Variants in OR9A4 observed in about 807,000 individuals in gnomAD.
The protein encoded by OR9A4 is olfactory receptor 9A4.
OR9A4 carries 16 observed loss-of-function variants against 17.1 expected under a neutral mutation model. The ratio of observed to expected loss-of-function variants is 0.94; its 90% CI spans 0.64 to 1.43. The LOEUF is 1.43. Among genes scored for constraint, OR9A4 ranks in the 40% most tolerant of loss-of-function variants. The pLI, the probability that OR9A4 is intolerant of heterozygous loss-of-function variation, is 0.00. For missense variants in OR9A4, 392 were observed against 382.1 expected (o/e 1.03, Z -0.22); for synonymous variants, 167 against 143.3 (o/e 1.17, Z -1.18).
chr7:141,919,999 A>T lies in OR9A4; in HGVS notation c.*179A>T. ...TTAGTATGCTTAGTTGTTACTTGAA[A>T]CTCAGTCTATTATTTTTAAGACATG... On this transcript the variant is annotated 3_prime_UTR_variant, in exon 2 of 2. Coordinates refer to ENST00000641559, the MANE Select transcript of OR9A4 (RefSeq NM_001001656.3). The T allele has an allele frequency of 3.9e-6, 2 of 508,532 alleles. No homozygotes were observed. The highest frequency in any genetic ancestry group is 4.0e-5 in the South Asian group (1 of 25,162). The allele number at this position is 508,532 out of a possible 1,614,324, so 31.5% of individuals were successfully genotyped here. A position where few individuals can be genotyped will look rare whatever the true frequency, so the allele number is the denominator to read the frequency against.
chr7:141,919,774 C>A lies in OR9A4; in HGVS notation c.899C>A (p.Ala300Asp). ...CTCCGGAATGATAAAGTCATAGAGG[C>A]CCTTCGGGATGGGGTGAAACGCTGC... ...FTLRNDKVIE[A>D]LRDGVKRCCQ... is the part of the protein sequence containing the mutation. Residue 300 changes from alanine (A) to aspartate (D), a missense_variant, in exon 2 of 2, where the codon GCC becomes GAC. Transcript: ENST00000641559. 6.2e-7 allele frequency: 1 copy of A among 1,614,088 alleles called. No homozygotes were observed.
chr7:141,918,860 A>G lies in OR9A4; in HGVS notation c.-16A>G. 1 of 1,559,254 alleles carries G rather than the reference A, an allele frequency of 6.4e-7. No homozygotes were observed. Among genetic ancestry groups the G allele is most frequent in the Non-Finnish European group, 8.8e-7 (1 of 1,142,844 alleles). On this transcript the variant is annotated 5_prime_UTR_variant, in exon 2 of 2. Coordinates refer to ENST00000641559, the MANE Select transcript of OR9A4 (RefSeq NM_001001656.3). ...TTGCTCTCTAGATTTCACAAGGAAC[A>G]AGGGCTTAGAACTAAATGTTGATGA...
chr7:141,919,561 C>G lies in OR9A4; in HGVS notation c.686C>G (p.Pro229Arg), dbSNP rs535851431. 1.7e-5 allele frequency: 27 copies of G among 1,614,050 alleles called. No individual in the cohort carries two copies. In the Admixed American group the frequency reaches 2.3e-4, roughly 14 times the overall value. Residue 229 changes from proline to arginine, a missense_variant, in exon 2 of 2, where the codon CCG (proline) becomes CGG (arginine). Physicochemically the swap from Pro to Arg is moderately radical, Grantham distance 103 (BLOSUM62 -2). Transcript: ENST00000641559. ...ATCATCTCCACCATTCTCAAGATCCCGTCATCCTCTGGCCGGAGGAAATCC... is the reference window on the plus strand; with the variant it reads ...ATCATCTCCACCATTCTCAAGATCCGGTCATCCTCTGGCCGGAGGAAATCC... The part of the protein sequence containing the change: ...AYIISTILKI[P>R]SSSGRRKSFS...
chr7:141,919,912 A>G lies in OR9A4; in HGVS notation c.*92A>G. The G allele has an allele frequency of 1.1e-6, 1 of 948,484 alleles. No individual in the cohort carries two copies. Among genetic ancestry groups the G allele is most frequent in the South Asian group, 1.9e-5 (1 of 52,252 alleles). The allele number at this position is 948,484 out of a possible 1,614,324, so 58.8% of individuals were successfully genotyped here. A position where few individuals can be genotyped will look rare whatever the true frequency, so the allele number is the denominator to read the frequency against. On this transcript the variant is annotated 3_prime_UTR_variant, in exon 2 of 2. Coordinates refer to ENST00000641559, the MANE Select transcript of OR9A4 (RefSeq NM_001001656.3). ...TTGCTCATCTTTGAACTGCATCATA[A>G]TTATTGCCATTATCAAATGATTTGC... is the stretch of plus-strand genomic sequence containing the variant.
chr7:141,919,672 A>C lies in OR9A4; in HGVS notation c.797A>C (p.Gln266Pro), dbSNP rs1459325374. 5.0e-6 allele frequency: 8 copies of C among 1,614,066 alleles called. No homozygotes were observed. In the South Asian group the frequency reaches 7.7e-5, roughly 16 times the overall value. ...LFLYVKPKQT[Q>P]AADYNWVVSL... The stretch of plus-strand genomic sequence containing the variant: ...CTCTACGTGAAACCCAAGCAAACGC[A>C]GGCAGCTGATTACAATTGGGTAGTT... Residue 266 changes from glutamine to proline, a missense_variant, in exon 2 of 2, where the codon CAG becomes CCG. Transcript: ENST00000641559.
chr7:141,919,142 G>A lies in OR9A4; in HGVS notation c.267G>A (p.Met89Ile), dbSNP rs782035229. The change falls in exon 2 of 2, where the codon ATG becomes ATA. Residue 89 changes from methionine to isoleucine, a missense_variant. Met to Ile is a conservative substitution (Grantham distance 10, BLOSUM62 1). Transcript: ENST00000641559. ...VMLWGLLLPG[M>I]QTIYLSACVV... is the part of the protein sequence containing the mutation. ...TTTGGGGATTGCTGCTCCCTGGGATGCAGACAATATATTTGTCTGCCTGTG... is the reference window on the plus strand; with the variant it reads ...TTTGGGGATTGCTGCTCCCTGGGATACAGACAATATATTTGTCTGCCTGTG... 5.6e-6 allele frequency: 9 copies of A among 1,614,142 alleles called. No individual in the cohort carries two copies. The highest frequency in any genetic ancestry group is 4.0e-5 in the African/African-American group (3 of 75,012).
chr7:141,920,071 G>T lies in OR9A4; in HGVS notation c.*251G>T. The T allele has an allele frequency of 2.6e-6, 1 of 389,040 alleles. No individual in the cohort carries two copies. The highest frequency in any genetic ancestry group is 7.1e-4 in the Middle Eastern group (1 of 1,410). 24.1% of individuals were successfully genotyped at this position (389,040 alleles called of 1,614,324 possible). A position where few individuals can be genotyped will look rare whatever the true frequency, so the allele number is the denominator to read the frequency against. On this transcript the variant is annotated 3_prime_UTR_variant, in exon 2 of 2. Transcript: ENST00000641559. The stretch of plus-strand genomic sequence containing the variant: ...CTATCATCTGCCTTTCTTAAGATAT[G>T]ATGATTTCACAATTAAACTTTGAAA...
Position 141,920,074 on chromosome 7 carries a change from G to T in OR9A4, c.*254G>T. On this transcript the variant is annotated 3_prime_UTR_variant, in exon 2 of 2. Transcript: ENST00000641559. ...TCATCTGCCTTTCTTAAGATATGAT[G>T]ATTTCACAATTAAACTTTGAAAAAT... is the stretch of plus-strand genomic sequence containing the variant. The T allele has an allele frequency of 2.6e-6, 1 of 382,262 alleles. No individual in the cohort carries two copies. Among genetic ancestry groups the T allele is most frequent in the East Asian group, 4.3e-5 (1 of 23,168 alleles). 23.7% of individuals were successfully genotyped at this position (382,262 alleles called of 1,614,324 possible). A position where few individuals can be genotyped will look rare whatever the true frequency, so the allele number is the denominator to read the frequency against.
chr7:141,919,425 T>C lies in OR9A4; in HGVS notation c.550T>C (p.Leu184=), dbSNP rs1252102326. ...CAATTTTTTTTGTGACCGAGGGCAA[T>C]TGCTCAAACTATCCTGCAATAATAC... The part of the protein sequence containing the change: ...VNNFFCDRGQ[L]LKLSCNNTLF... Residue 184 remains leucine, a synonymous_variant, in exon 2 of 2, where the codon TTG becomes CTG. Coordinates refer to ENST00000641559, the MANE Select transcript of OR9A4 (RefSeq NM_001001656.3). 5 of 1,614,082 alleles carry C rather than the reference T, an allele frequency of 3.1e-6. No individual in the cohort carries two copies. The highest frequency in any genetic ancestry group is 4.5e-5 in the East Asian group (2 of 44,900).
chr7:141,919,541 C>T lies in OR9A4; in HGVS notation c.666C>T (p.Ile222=), dbSNP rs782408598. The change falls in exon 2 of 2, where the codon ATC becomes ATT. Residue 222 remains isoleucine, a synonymous_variant. Transcript: ENST00000641559. ...CAATTGTCTCCAACGCCTACATCAT[C>T]TCCACCATTCTCAAGATCCCGTCAT... The part of the protein sequence containing the change: ...IPTIVSNAYI[I]STILKIPSSS... 6.2e-7 allele frequency: 1 copy of T among 1,614,152 alleles called. No individual in the cohort carries two copies. Among genetic ancestry groups the T allele is most frequent in the Non-Finnish European group, 8.5e-7 (1 of 1,180,034 alleles).
At position 141,919,646 on chromosome 7, in the gene OR9A4, T is replaced by G; in HGVS notation, c.771T>G (p.Phe257Leu). ...CVVIGYGSCL[F>L]LYVKPKQTQA... ...TGATTGGCTACGGCAGCTGCTTGTTTCTCTACGTGAAACCCAAGCAAACGC... is the reference window on the plus strand; with the variant it reads ...TGATTGGCTACGGCAGCTGCTTGTTGCTCTACGTGAAACCCAAGCAAACGC... The change falls in exon 2 of 2, where the codon TTT becomes TTG. Residue 257 changes from phenylalanine (F) to leucine (L), a missense_variant. Transcript: ENST00000641559. The G allele has an allele frequency of 6.2e-7, 1 of 1,614,190 alleles. No homozygotes were observed. Among genetic ancestry groups the G allele is most frequent in the Non-Finnish European group, 8.5e-7 (1 of 1,180,032 alleles).
rs782539235 is a variant in OR9A4, at chr7:141,919,821, C to T, written c.*1C>T. 6.3e-7 allele frequency: 1 copy of T among 1,598,602 alleles called. No individual in the cohort carries two copies. Among genetic ancestry groups the T allele is most frequent in the Non-Finnish European group, 8.5e-7 (1 of 1,170,532 alleles). Reference sequence around the variant, plus strand: ...CTGCTGTCAACTATTCAGGAATTAGCCTTGCTCTGAGGACTTTTACATGGT... The same window carrying T: ...CTGCTGTCAACTATTCAGGAATTAGTCTTGCTCTGAGGACTTTTACATGGT... On this transcript the variant is annotated 3_prime_UTR_variant, in exon 2 of 2. Coordinates refer to ENST00000641559, the MANE Select transcript of OR9A4 (RefSeq NM_001001656.3).
chr7:141,919,175 G>C lies in OR9A4; in HGVS notation c.300G>C (p.Gln100His), dbSNP rs1173304808. 6 of 1,614,126 alleles carry C rather than the reference G, an allele frequency of 3.7e-6. No homozygotes were observed. Among genetic ancestry groups the C allele is most frequent in the Non-Finnish European group, 5.1e-6 (6 of 1,180,030 alleles). Residue 100 changes from glutamine (Q) to histidine (H), a missense_variant, in exon 2 of 2, where the codon CAG becomes CAC. Transcript: ENST00000641559. ...QTIYLSACVVQLFLYLAVGTT... is the reference protein window; with the variant it reads ...QTIYLSACVVHLFLYLAVGTT... ...TATATTTGTCTGCCTGTGTTGTCCAGCTCTTCTTGTACCTTGCTGTGGGGA... is the reference window on the plus strand; with the variant it reads ...TATATTTGTCTGCCTGTGTTGTCCACCTCTTCTTGTACCTTGCTGTGGGGA...
chr7:141,919,742 C>T lies in OR9A4; in HGVS notation c.867C>T (p.Ile289=), dbSNP rs1802251528. 1 of 1,614,202 alleles carries T rather than the reference C, an allele frequency of 6.2e-7. No individual in the cohort carries two copies. The highest frequency in any genetic ancestry group is 8.5e-7 in the Non-Finnish European group (1 of 1,180,034). ...SVVTPFLNPF[I]FTLRNDKVIE... is the part of the protein sequence containing the mutation. Reference sequence around the variant, plus strand: ...TAACTCCTTTCCTCAATCCTTTCATCTTCACCCTCCGGAATGATAAAGTCA... The same window carrying T: ...TAACTCCTTTCCTCAATCCTTTCATTTTCACCCTCCGGAATGATAAAGTCA... Residue 289 remains isoleucine, a synonymous_variant, in exon 2 of 2, where the codon ATC becomes ATT. Coordinates refer to ENST00000641559, the MANE Select transcript of OR9A4 (RefSeq NM_001001656.3).
rs376575183 is a variant in OR9A4, at chr7:141,919,034, T to A, written c.159T>A (p.Arg53=). The A allele has an allele frequency of 1.9e-6, 3 of 1,614,082 alleles. No individual in the cohort carries two copies. In the African/African-American group the frequency reaches 4.0e-5, roughly 22 times the overall value. The change falls in exon 2 of 2, where the codon CGT becomes CGA. Residue 53 remains arginine (R), a synonymous_variant. Coordinates refer to ENST00000641559, the MANE Select transcript of OR9A4 (RefSeq NM_001001656.3). ...VIIMIVCVDK[R]LQSPMYFFLG... ...TCATGATTGTCTGTGTGGATAAACG[T>A]CTGCAGTCCCCCATGTATTTCTTCC...
At chr7:141,918,154 C>T (rs1031282618) in intron 1 of OR9A4, among the ~76,000 whole-genome samples, 5 of 152,274 alleles carry the variant, frequency 3.3e-5, no homozygotes, top group East Asian at 1.9e-4. Flanking sequence ...TTTTTTGAGA[C>T]GGAGTCTCAC....
chr7:141,917,090 G>T (rs78211103), intron 1 of OR9A4, among the ~76,000 whole-genome samples: 3,283 of 152,202 alleles, frequency 0.022, 53 homozygotes, highest in Middle Eastern at 0.075. Flanking sequence ...TGCATACTCT[G>T]TTCTAGTGTC....
In OR9A4 at chr7:141,919,035, C is replaced by T; in HGVS notation, c.160C>T (p.Leu54=). The change falls in exon 2 of 2, where the codon CTG becomes TTG. Residue 54 remains leucine (L), a synonymous_variant. Transcript: ENST00000641559. ...CATGATTGTCTGTGTGGATAAACGTCTGCAGTCCCCCATGTATTTCTTCCT... is the reference window on the plus strand; with the variant it reads ...CATGATTGTCTGTGTGGATAAACGTTTGCAGTCCCCCATGTATTTCTTCCT... ...IIMIVCVDKR[L]QSPMYFFLGH... The T allele has an allele frequency of 6.2e-7, 1 of 1,614,176 alleles. No individual in the cohort carries two copies. Among genetic ancestry groups the T allele is most frequent in the Non-Finnish European group, 8.5e-7 (1 of 1,180,032 alleles).
rs781925086 is a variant in OR9A4 at position 141,919,485 on chromosome 7, G to C, written c.610G>C (p.Val204Leu). ...FTEFILFLMA[V>L]FVLFGSLIPT... ...GGAGTTTATCCTCTTCTTAATGGCT[G>C]TTTTTGTTCTCTTTGGTTCTTTGAT... The change falls in exon 2 of 2, where the codon GTT (valine) becomes CTT (leucine). Residue 204 changes from valine to leucine, a missense_variant. Transcript: ENST00000641559. The C allele has an allele frequency of 4.3e-6, 7 of 1,614,026 alleles. No individual in the cohort carries two copies. The African/African-American group carries it at 5.3e-5, about 12-fold the overall frequency.
Sources: allele counts gnomAD v4.1 joint callset (sites outside exome capture counted in the v4.1 genomes callset), GRCh38; gene constraint gnomAD v4.1.1; transcripts MANE v1.5; gene names NCBI Gene and HGNC (gene_info 2026-07-23, HGNC 2026-07-21).